The following ANTXR1 variants were observed in gnomAD, a reference collection of about 807,000 sequenced individuals.
ANTXR1 encodes the protein ANTXR cell adhesion molecule 1, also known as anthrax toxin receptor 1.
A neutral mutation model predicts 78.1 loss-of-function variants in ANTXR1; 19 were observed. The observed-to-expected ratio is 0.24, with a 90% CI of 0.17 to 0.36. ANTXR1 has a LOEUF of 0.36. Ranked by LOEUF, ANTXR1 falls within the 10% of genes least tolerant of loss-of-function variation. The probability of loss-of-function intolerance (pLI) is 1.00; values close to 1 mark genes in which losing one functional copy is unlikely to be tolerated. For missense variants in ANTXR1, 518 were observed against 718.6 expected, an observed-to-expected ratio of 0.72 and a Z score of 3.19; for synonymous variants, 273 against 260.5, an observed-to-expected ratio of 1.05 and a Z score of -0.46.
intron 3 of ANTXR1, among the ~76,000 whole-genome samples, chr2:69,054,508 G>C (rs1670015104): frequency 6.6e-6 from 1 of 152,162 alleles, no homozygotes; most frequent in Admixed American, 6.5e-5. Flanking sequence ...TTTCACAGAT[G>C]GGGGTACGAG....
At chr2:69,065,830 C>G (rs2104184743) in intron 3 of ANTXR1, among the ~76,000 whole-genome samples, 1 of 152,332 alleles carries the variant, frequency 6.6e-6, no homozygotes, top group South Asian at 2.1e-4. Context: ...CTTCTGTTCA[C>G]TACACTGTTT....
intron 10 of ANTXR1, 107 bp from the exon 11 acceptor site, chr2:69,122,910 G>T (rs980186645): frequency 2.4e-6 from 3 of 1,234,192 alleles, no homozygotes; most frequent in Admixed American, 1.7e-5. Flanking sequence ...AAAGATTTTT[G>T]TTTTTTTGGT....
intron 14 of ANTXR1, among the ~76,000 whole-genome samples, chr2:69,170,685 A>C (rs891965626): frequency 7.5e-6 from 1 of 133,950 alleles, no homozygotes; most frequent in Non-Finnish European, 1.7e-5. Context: ...AGTTTGCTAC[A>C]TTCTCCAATC....
chr2:69,227,756 C>T lies in ANTXR1; in HGVS notation c.1435-17469C>T, dbSNP rs867079003. Among the ~76,000 whole-genome samples the T allele has an allele frequency of 9.9e-5, 15 of 152,168 alleles. No individual in the cohort carries two copies. The South Asian group carries it at 1.5e-3, about 15-fold the overall frequency. On this transcript the variant is annotated intron_variant, in intron 17 of 17. Transcript: ENST00000303714. ...CAAGAATGAAAAGGGTTAGGGTGTG[C>T]CCTTTAAGGCACAGCTTAGAATTTG...
At chr2:69,185,183 A>G (rs1674387327) in intron 16 of ANTXR1, among the ~76,000 whole-genome samples, 1 of 152,186 alleles carries the variant, frequency 6.6e-6, no homozygotes, top group Non-Finnish European at 1.5e-5. Context: ...CCCACCTAAG[A>G]TCTACTAAAT....
At chr2:69,031,118 C>CT (rs1205204286) in intron 1 of ANTXR1, among the ~76,000 whole-genome samples, 1 of 152,168 alleles carries the variant, frequency 6.6e-6, no homozygotes, top group Non-Finnish European at 1.5e-5. Flanking sequence ...TATTTACTGT[C>CT]TGGCCCTTCA....
chr2:69,156,409 G>T (rs532476208), intron 13 of ANTXR1, among the ~76,000 whole-genome samples: 2 of 151,908 alleles, frequency 1.3e-5, no homozygotes, highest in South Asian at 4.2e-4. Flanking sequence ...CTTTCCACTG[G>T]CTTCCTCCCT....
At chr2:69,119,557 C>A (rs1446088991) in intron 10 of ANTXR1, among the ~76,000 whole-genome samples, 1 of 152,208 alleles carries the variant, frequency 6.6e-6, no homozygotes, top group Non-Finnish European at 1.5e-5. Context: ...AAGAGTAATG[C>A]AGAGTTCATT....
intron 3 of ANTXR1, among the ~76,000 whole-genome samples, chr2:69,063,667 T>C (rs1573828791): frequency 6.6e-6 from 1 of 152,128 alleles, no homozygotes; most frequent in African/African-American, 2.4e-5. Flanking sequence ...CTTTTCATAA[T>C]TTTGTAAAAA....
At chr2:69,072,078 T>C (rs938287134) in intron 5 of ANTXR1, among the ~76,000 whole-genome samples, 1 of 152,234 alleles carries the variant, frequency 6.6e-6, no homozygotes, top group Non-Finnish European at 1.5e-5. Context: ...ACTAAATTAG[T>C]AAATACTTGC....
At chr2:69,142,710 T>C (rs1160874501) in intron 12 of ANTXR1, among the ~76,000 whole-genome samples, 2 of 152,164 alleles carry the variant, frequency 1.3e-5, no homozygotes, top group Non-Finnish European at 2.9e-5. Flanking sequence ...GAAAAACAGC[T>C]AGCCACGCAA....
intron 17 of ANTXR1, among the ~76,000 whole-genome samples, chr2:69,217,605 A>G (rs1263449424): frequency 6.6e-6 from 1 of 152,248 alleles, no homozygotes; most frequent in African/African-American, 2.4e-5. Flanking sequence ...TGCATTTAGT[A>G]TATGCAATAT....
rs542772956 is a variant in ANTXR1 at position 69,111,623 on chromosome 2, T to C, written c.802+8683T>C. Among the ~76,000 whole-genome samples the C allele has an allele frequency of 3.3e-5, 5 of 152,344 alleles. No homozygotes were observed. The East Asian group carries it at 9.6e-4, about 29-fold the overall frequency. ...TTCAATCCTATTCACCAGGCATGGC[T>C]CTGGTTTACTTTTGCACACTCTCAA... On this transcript the variant is annotated intron_variant, in intron 10 of 17. Transcript: ENST00000303714.
intron 12 of ANTXR1, among the ~76,000 whole-genome samples, chr2:69,149,427 G>A (rs767424427): frequency 2.0e-5 from 3 of 152,048 alleles, no homozygotes; most frequent in East Asian, 1.9e-4. Flanking sequence ...GCTACTTCAC[G>A]GAAAACCTTC....
chr2:69,022,576 T>C (rs1046343137), intron 1 of ANTXR1, among the ~76,000 whole-genome samples: 4 of 152,198 alleles, frequency 2.6e-5, no homozygotes, highest in African/African-American at 4.8e-5. Context: ...GTGGAAATTG[T>C]AGACCTTGGG....
chr2:69,131,310 A>G (rs1672737616), intron 12 of ANTXR1, among the ~76,000 whole-genome samples: 1 of 152,154 alleles, frequency 6.6e-6, no homozygotes. Flanking sequence ...CCTCTTTTCC[A>G]TATTCCAAGT....
intron 13 of ANTXR1, among the ~76,000 whole-genome samples, chr2:69,155,799 C>T (rs977396624): frequency 1.4e-4 from 22 of 152,136 alleles, no homozygotes; most frequent in Admixed American, 9.2e-4. Flanking sequence ...TAGGGGGTGG[C>T]TTTATGTATA....
chr2:69,059,599 G>A (rs1051753449), intron 3 of ANTXR1, among the ~76,000 whole-genome samples: 7 of 151,990 alleles, frequency 4.6e-5, no homozygotes, highest in Middle Eastern at 3.4e-3. Flanking sequence ...CTGTCTCAGC[G>A]TCCTGAGTAG....
At chr2:69,165,717 G>A (rs996779009) in intron 13 of ANTXR1, among the ~76,000 whole-genome samples, 2 of 152,260 alleles carry the variant, frequency 1.3e-5, no homozygotes, top group Non-Finnish European at 2.9e-5. Context: ...AGGTGGGAAA[G>A]GTGCCCATGT....
Sources: gnomAD v4.1 joint callset for allele counts (sites outside exome capture counted in the v4.1 genomes callset) on GRCh38, gnomAD v4.1.1 for gene constraint, MANE v1.5 for transcripts, NCBI Gene and HGNC (gene_info 2026-07-23, HGNC 2026-07-21) for gene names.